Variants in GMEB1 observed in about 807,000 individuals in gnomAD.
The protein encoded by GMEB1 is glucocorticoid modulatory element-binding protein 1.
Under a neutral mutation model 52.4 loss-of-function variants are expected in GMEB1, and 6 were observed. The observed-to-expected ratio is 0.11, with a 90% CI of 0.06 to 0.23. The LOEUF is 0.23. Among genes scored for constraint, GMEB1 ranks in the 10% least tolerant of loss-of-function variants. GMEB1 has a pLI of 1.00. For synonymous variants in GMEB1, 255 were observed against 244.9 expected, an observed-to-expected ratio of 1.04 and a Z score of -0.38; for missense variants, 486 against 685.6, an observed-to-expected ratio of 0.71 and a Z score of 3.25.
intron 1 of GMEB1, among the ~76,000 whole-genome samples, chr1:28,681,830 G>A (rs1557499523): frequency 6.6e-6 from 1 of 152,044 alleles, no homozygotes; most frequent in Non-Finnish European, 1.5e-5. Context: ...AGCCTCTCAA[G>A]TAGCTCAGAT....
intron 6 of GMEB1, among the ~76,000 whole-genome samples, chr1:28,702,120 A>G (rs1471600861): frequency 2.0e-5 from 3 of 152,184 alleles, no homozygotes; most frequent in African/African-American, 7.2e-5. Context: ...CTGGCAGGCT[A>G]GTAGTAATGT....
chr1:28,709,899 A>G (rs1358928256), intron 8 of GMEB1, among the ~76,000 whole-genome samples: 1 of 152,122 alleles, frequency 6.6e-6, no homozygotes, highest in African/African-American at 2.4e-5. Context: ...CTGTAATCTC[A>G]GCACTTTGGG....
Position 28,683,661 on chromosome 1 carries a change from C to T in GMEB1, c.49C>T (p.Pro17Ser), listed in dbSNP as rs920129499. The change falls in exon 2 of 10, where the codon CCT becomes TCT. Residue 17 changes from proline to serine, a missense_variant. Physicochemically the swap from Pro to Ser is moderately conservative, Grantham distance 74 (BLOSUM62 -1). This residue lies in a region of GMEB1 where 88 missense variants were observed against 96.5 expected (regional missense o/e 0.91). Coordinates refer to ENST00000373816, the MANE Select transcript of GMEB1 (RefSeq NM_001319674.2). Reference protein sequence around the residue: ...SVPVGDVVVVPTEGNEGENPE... With the variant: ...SVPVGDVVVVSTEGNEGENPE... Reference sequence around the variant, plus strand: ...CCCAGTGGGGGATGTGGTTGTGGTACCTACTGAAGGAAATGAAGGGGAGAA... The same window carrying T: ...CCCAGTGGGGGATGTGGTTGTGGTATCTACTGAAGGAAATGAAGGGGAGAA... The T allele has an allele frequency of 6.8e-6, 11 of 1,610,694 alleles. No homozygotes were observed. Among genetic ancestry groups the T allele is most frequent in the African/African-American group, 5.4e-5 (4 of 74,712 alleles).
chr1:28,681,965 A>G (rs1669410888), intron 1 of GMEB1, among the ~76,000 whole-genome samples: 1 of 152,016 alleles, frequency 6.6e-6, no homozygotes. Flanking sequence ...AGGCCTCCAA[A>G]AGTGCTGGGA....
chr1:28,717,055 A>C lies in GMEB1; in HGVS notation c.*2282A>C, dbSNP rs1218407494. ...TTTTTTTTCTTTTTTATTTTTAAGAAGGCACCTTTCAGAAGCCATGTTTCT... is the reference window on the plus strand; with the variant it reads ...TTTTTTTTCTTTTTTATTTTTAAGACGGCACCTTTCAGAAGCCATGTTTCT... On this transcript the variant is annotated 3_prime_UTR_variant, in exon 10 of 10. Coordinates refer to ENST00000373816, the MANE Select transcript of GMEB1 (RefSeq NM_001319674.2). The C allele has an allele frequency of 5.9e-5, 9 of 151,978 alleles. No individual in the cohort carries two copies. Among genetic ancestry groups the C allele is most frequent in the Non-Finnish European group, 1.0e-4 (7 of 68,000 alleles). 9.4% of individuals were successfully genotyped at this position (151,978 alleles called of 1,614,324 possible).
chr1:28,684,528 A>C (rs1345856558), intron 2 of GMEB1, among the ~76,000 whole-genome samples: 1 of 143,750 alleles, frequency 7.0e-6, no homozygotes, highest in Admixed American at 7.7e-5. Flanking sequence ...GCGCCACTGC[A>C]CTCCAGTCTG....
chr1:28,704,839 C>T (rs1042692793), intron 8 of GMEB1, among the ~76,000 whole-genome samples: 5 of 152,040 alleles, frequency 3.3e-5, no homozygotes, highest in Admixed American at 6.6e-5. Context: ...AACTCCTGAC[C>T]TCAGGTGATC....
In GMEB1 at chr1:28,700,961, G is replaced by A. The variant is rs192332843; in HGVS notation, c.599-1477G>A. ...CAACCAAACATGGATGGAAAATATG[G>A]TATTTGCAGGATGCAAAACCCGGGT... On this transcript the variant is annotated intron_variant, in intron 6 of 9. Coordinates refer to ENST00000373816, the MANE Select transcript of GMEB1 (RefSeq NM_001319674.2). Among the ~76,000 whole-genome samples, 556 of 151,976 alleles carry A rather than the reference G, an allele frequency of 3.7e-3. 7 individuals carry two copies. Among genetic ancestry groups the A allele is most frequent in the African/African-American group, 0.013 (532 of 41,440 alleles).
rs1000740110 is a variant in GMEB1 at position 28,704,391 on chromosome 1, C to T, written c.868+62C>T. 4 of 1,398,868 alleles carry T rather than the reference C, an allele frequency of 2.9e-6. No individual in the cohort carries two copies. In the African/African-American group the frequency reaches 5.8e-5, roughly 20 times the overall value. The allele number at this position is 1,398,868 out of a possible 1,614,324, so 86.7% of individuals were successfully genotyped here. On this transcript the variant is annotated intron_variant, in intron 8 of 9. Coordinates refer to ENST00000373816, the MANE Select transcript of GMEB1 (RefSeq NM_001319674.2). ...TGAATACTCACCTCCGTAGGCAGGT[C>T]CTGTAAGCCTTGCAAAAACCCTGAT... is the stretch of plus-strand genomic sequence containing the variant.
chr1:28,712,317 T>C (rs927527932), intron 9 of GMEB1, among the ~76,000 whole-genome samples: 1 of 152,090 alleles, frequency 6.6e-6, no homozygotes, highest in Non-Finnish European at 1.5e-5. Flanking sequence ...ACCCTGTACT[T>C]TTGAGGTTTT....
intron 2 of GMEB1, among the ~76,000 whole-genome samples, chr1:28,685,020 A>C (rs1483230063): frequency 6.6e-6 from 1 of 152,022 alleles, no homozygotes; most frequent in Non-Finnish European, 1.5e-5. Context: ...GTTTATCTGC[A>C]CTATTTACAG....
Position 28,668,850 on chromosome 1 carries a change from G to T in GMEB1, c.-31+11G>T, listed in dbSNP as rs1238181872. 6.8e-6 allele frequency: 1 copy of T among 146,594 alleles called. No individual in the cohort carries two copies. Among genetic ancestry groups the T allele is most frequent in the Non-Finnish European group, 1.5e-5 (1 of 66,124 alleles). The allele number at this position is 146,594 out of a possible 1,614,324, so 9.1% of individuals were successfully genotyped here. ...CGCCCGACGGAGACGGTGAGGAGGG[G>T]GAGGGGTGGGCGCGCGGGCGCGGGG... On this transcript the variant is annotated intron_variant, in intron 1 of 9. Coordinates refer to ENST00000373816, the MANE Select transcript of GMEB1 (RefSeq NM_001319674.2).
intron 5 of GMEB1, among the ~76,000 whole-genome samples, chr1:28,694,881 C>T (rs1670126209): frequency 6.6e-6 from 1 of 150,424 alleles, no homozygotes; most frequent in East Asian, 2.0e-4. Flanking sequence ...TCAGGCTGGT[C>T]TCGAACTCCT....
At chr1:28,705,348 T>C (rs1670699343) in intron 8 of GMEB1, among the ~76,000 whole-genome samples, 5 of 151,522 alleles carry the variant, frequency 3.3e-5, no homozygotes, top group Admixed American at 3.3e-4. Context: ...GAGCCAAGGT[T>C]ATGCCACTGC....
In GMEB1 at chr1:28,683,591, G is replaced by C; in HGVS notation, c.-22G>C. On this transcript the variant is annotated 5_prime_UTR_variant, in exon 2 of 10. Coordinates refer to ENST00000373816, the MANE Select transcript of GMEB1 (RefSeq NM_001319674.2). ...CTTCTTGTTCCCGACAGCAGTCCCA[G>C]CTATCTGACTTCATGTGAAAGATGG... 1 of 1,588,104 alleles carries C rather than the reference G, an allele frequency of 6.3e-7. No individual in the cohort carries two copies. The highest frequency in any genetic ancestry group is 8.6e-7 in the Non-Finnish European group (1 of 1,168,718).
rs549892293 is a variant in GMEB1, at chr1:28,685,204, G to A, written c.128+1464G>A. The stretch of plus-strand genomic sequence containing the variant: ...GTTGGAAAAAGATAAGATTTAAAAA[G>A]GGGTTCTTTTTTTTTTTTTCGTTGA... On this transcript the variant is annotated intron_variant, in intron 2 of 9. Coordinates refer to ENST00000373816, the MANE Select transcript of GMEB1 (RefSeq NM_001319674.2). Among the ~76,000 whole-genome samples, 5 of 151,996 alleles carry A rather than the reference G, an allele frequency of 3.3e-5. No homozygotes were observed. In the East Asian group the frequency reaches 9.7e-4, roughly 29 times the overall value.
At chr1:28,706,352 C>G (rs1027855648) in intron 8 of GMEB1, among the ~76,000 whole-genome samples, 2 of 152,034 alleles carry the variant, frequency 1.3e-5, no homozygotes, top group African/African-American at 4.8e-5. Flanking sequence ...CGCCTGTAAT[C>G]CCAGCACTTT....
chr1:28,668,906 G>A (rs1668735822), intron 1 of GMEB1, 67 bp downstream of exon 1: 2 of 144,392 alleles, frequency 1.4e-5, no homozygotes, highest in South Asian at 4.2e-4. Context: ...GGGCGCGGGG[G>A]CCGCGCGGCG....
chr1:28,674,655 A>C (rs1240125626), intron 1 of GMEB1, among the ~76,000 whole-genome samples: 1 of 149,898 alleles, frequency 6.7e-6, no homozygotes, highest in African/African-American at 2.4e-5. Flanking sequence ...TGGTCCTCCC[A>C]AAGTGCTGGG....
Sources: gnomAD v4.1 joint callset for allele counts (sites outside exome capture counted in the v4.1 genomes callset) on GRCh38, gnomAD v4.1.1 for gene constraint, gnomAD v4.1.1 regional missense constraint, MANE v1.5 for transcripts, NCBI Gene and HGNC (gene_info 2026-07-23, HGNC 2026-07-21) for gene names.